The following VPS13B variants were observed in gnomAD, a reference collection of about 807,000 sequenced individuals.
VPS13B encodes the protein intermembrane lipid transfer protein VPS13B.
VPS13B carries 285 observed loss-of-function variants against 426.4 expected under a neutral mutation model. The ratio of observed to expected loss-of-function variants is 0.67; its 90% CI spans 0.61 to 0.74. The LOEUF is 0.74. Ranked by LOEUF, VPS13B falls within the 30% of genes least tolerant of loss-of-function variation. The pLI is 0.00. For missense variants in VPS13B, 4,537 were observed against 4,782.6 expected, an observed-to-expected ratio of 0.95 and a Z score of 1.51; for synonymous variants, 1,676 against 1,676.4, an observed-to-expected ratio of 1.00 and a Z score of 0.01.
At chr8:99,583,792 G>T (rs192730932) in intron 33 of VPS13B, among the ~76,000 whole-genome samples, 16 of 152,224 alleles carry the variant, frequency 1.1e-4, no homozygotes, top group Non-Finnish European at 2.2e-4. Context: ...TAACCAAAAT[G>T]CATGTGGGTA....
chr8:99,331,390 C>A (rs925379635), intron 19 of VPS13B, among the ~76,000 whole-genome samples: 1 of 151,702 alleles, frequency 6.6e-6, no homozygotes, highest in Non-Finnish European at 1.5e-5. Flanking sequence ...TGTAGCAACA[C>A]TACTTATAGA....
At chr8:99,635,221 T>C (rs1829022909) in intron 33 of VPS13B, among the ~76,000 whole-genome samples, 1 of 152,046 alleles carries the variant, frequency 6.6e-6, no homozygotes, top group South Asian at 2.1e-4. Flanking sequence ...AGATGTTAAC[T>C]TTTTGGAAAA....
chr8:99,013,827 T>TGTGAATCGCTACATCAAGAACTTAAAGCC lies in VPS13B; in HGVS notation c.42_70dup (p.Ser24Ter). 1 of 1,614,202 alleles carries TGTGAATCGCTACATCAAGAACTTAAAGCC rather than the reference T, an allele frequency of 6.2e-7. No homozygotes were observed. Among genetic ancestry groups the TGTGAATCGCTACATCAAGAACTTAAAGCC allele is most frequent in the Non-Finnish European group, 8.5e-7 (1 of 1,180,044 alleles). ...ATGTAACTCCAATTTTAATGAGCTA[T>TGTGAATCGCTACATCAAGAACTTAAAGCC]GTGAATCGCTACATCAAGAACTTAA... On this transcript the variant is annotated frameshift_variant, in exon 2 of 62. Coordinates refer to ENST00000357162, the MANE Select transcript of VPS13B (RefSeq NM_152564.5). LOFTEE classifies it high-confidence loss of function.
At chr8:99,552,333 C>T (rs1363099147) in intron 30 of VPS13B, among the ~76,000 whole-genome samples, 1 of 151,994 alleles carries the variant, frequency 6.6e-6, no homozygotes, top group Non-Finnish European at 1.5e-5. Flanking sequence ...TGTCTCATTT[C>T]ACTTGGAACC....
chr8:99,788,905 G>A (rs939896249), intron 43 of VPS13B, among the ~76,000 whole-genome samples: 1 of 152,118 alleles, frequency 6.6e-6, no homozygotes, highest in African/African-American at 2.4e-5. Context: ...TTTTCACTCT[G>A]ACCTCACTGG....
chr8:99,738,923 A>G (rs939953294), intron 39 of VPS13B, among the ~76,000 whole-genome samples: 2 of 152,232 alleles, frequency 1.3e-5, no homozygotes, highest in African/African-American at 4.8e-5. Flanking sequence ...TGATTTCTGC[A>G]TTTCCAACTG....
intron 3 of VPS13B, among the ~76,000 whole-genome samples, chr8:99,063,057 T>C (rs1288155427): frequency 6.6e-6 from 1 of 152,162 alleles, no homozygotes. Flanking sequence ...AATAGTGAAA[T>C]GAATTATTGT....
intron 3 of VPS13B, among the ~76,000 whole-genome samples, chr8:99,095,799 A>G (rs554066177): frequency 1.5e-4 from 23 of 152,314 alleles, no homozygotes; most frequent in Admixed American, 1.4e-3. Context: ...TATACCTAAC[A>G]TGAATGATAA....
intron 19 of VPS13B, among the ~76,000 whole-genome samples, chr8:99,331,135 T>C (rs945559198): frequency 3.3e-5 from 5 of 151,872 alleles, no homozygotes; most frequent in African/African-American, 9.7e-5. Context: ...CTCTTACTTA[T>C]CTGGTTTGTG....
At chr8:99,264,665 G>A (rs946079710) in intron 17 of VPS13B, among the ~76,000 whole-genome samples, 4 of 151,996 alleles carry the variant, frequency 2.6e-5, no homozygotes, top group African/African-American at 9.7e-5. Flanking sequence ...TATATCAGAA[G>A]TTTTTAGGAG....
At chr8:99,234,065 T>C in intron 17 of VPS13B, 1 of 776,170 alleles carries the variant, frequency 1.3e-6, no homozygotes, top group Non-Finnish European at 2.4e-6. Context: ...GGGAAATCAG[T>C]CTGTCCGGCC....
intron 33 of VPS13B, among the ~76,000 whole-genome samples, chr8:99,640,019 T>TAAGAAGAAG (rs1172250597): frequency 2.0e-4 from 16 of 78,304 alleles, no homozygotes; most frequent in Admixed American, 7.9e-4. Context: ...ATAATAATAA[T>TAAGAAGAAG]AATAATAAGA....
chr8:99,182,182 A>G (rs1220561139), intron 16 of VPS13B, among the ~76,000 whole-genome samples: 1 of 152,214 alleles, frequency 6.6e-6, no homozygotes, highest in Non-Finnish European at 1.5e-5. Context: ...ATAAAAAATA[A>G]TGAACTACTG....
chr8:99,587,084 G>C (rs527400354), intron 33 of VPS13B, among the ~76,000 whole-genome samples: 13 of 152,024 alleles, frequency 8.6e-5, no homozygotes, highest in Non-Finnish European at 1.6e-4. Context: ...TTGGTTTTCT[G>C]TCCTTCCAAT....
At chr8:99,418,479 CTT>C (rs1816169771) in intron 21 of VPS13B, among the ~76,000 whole-genome samples, 1 of 146,118 alleles carries the variant, frequency 6.8e-6, no homozygotes. Flanking sequence ...TTCTTTCTTT[CTT>C]TCTTTCTTTC....
intron 33 of VPS13B, among the ~76,000 whole-genome samples, chr8:99,581,435 C>A (rs1385406389): frequency 6.6e-6 from 1 of 152,076 alleles, no homozygotes; most frequent in Non-Finnish European, 1.5e-5. Context: ...CCACATTAAA[C>A]AAAAATTTTC....
At position 99,845,177 on chromosome 8, in the gene VPS13B, A is replaced by G. The variant is rs566472246; in HGVS notation, c.9943-3599A>G. On this transcript the variant is annotated intron_variant, in intron 54 of 61. Transcript: ENST00000357162. ...CTAGAACACTACTTCTATCAACAAT[A>G]TCTATATTAGTAGTATAAGCTCAGT... Among the ~76,000 whole-genome samples the G allele has an allele frequency of 7.4e-4, 112 of 152,200 alleles. 1 individual carries two copies. The highest frequency in any genetic ancestry group is 1.2e-3 in the Non-Finnish European group (81 of 68,036).
intron 17 of VPS13B, among the ~76,000 whole-genome samples, chr8:99,268,219 C>A (rs1051525608): frequency 6.6e-6 from 1 of 152,306 alleles, no homozygotes; most frequent in Admixed American, 6.5e-5. Flanking sequence ...TCTGTTAGGG[C>A]AGTGTGGAAG....
chr8:99,447,223 G>A (rs575160306), intron 23 of VPS13B, among the ~76,000 whole-genome samples: 3 of 152,218 alleles, frequency 2.0e-5, no homozygotes, highest in African/African-American at 7.2e-5. Context: ...GTGGCACTAT[G>A]AGTTCAGAAC....
Sources: allele counts gnomAD v4.1 joint callset (sites outside exome capture counted in the v4.1 genomes callset), GRCh38; gene constraint gnomAD v4.1.1; transcripts MANE v1.5; gene names NCBI Gene and HGNC (gene_info 2026-07-23, HGNC 2026-07-21).